Variants in BRINP1 observed in about 807,000 individuals in gnomAD.
The protein encoded by BRINP1 is BMP/retinoic acid-inducible neural-specific protein 1.
Under a neutral mutation model 72.9 loss-of-function variants are expected in BRINP1, and 17 were observed. The ratio of observed to expected loss-of-function variants is 0.23; its 90% CI spans 0.16 to 0.35. The LOEUF (loss-of-function observed/expected upper bound fraction) is 0.35. BRINP1 is among the 10% of genes least tolerant of loss of function. The probability of loss-of-function intolerance (pLI) is 1.00; values close to 1 mark genes in which losing one functional copy is unlikely to be tolerated. For synonymous variants in BRINP1, 418 were observed against 378.5 expected (o/e 1.10, Z -1.21); for missense variants, 850 against 1,001.6 (o/e 0.85, Z 2.04).
intron 2 of BRINP1, among the ~76,000 whole-genome samples, chr9:119,249,928 G>C (rs1305404551): frequency 8.0e-6 from 1 of 125,648 alleles, no homozygotes; most frequent in East Asian, 2.6e-4. Flanking sequence ...AAGGGAGAGA[G>C]GGAGAGAGAA....
At chr9:119,262,238 G>A (rs949448098) in intron 2 of BRINP1, among the ~76,000 whole-genome samples, 8 of 152,158 alleles carry the variant, frequency 5.3e-5, no homozygotes, top group Non-Finnish European at 1.2e-4. Flanking sequence ...TGCCCATTAT[G>A]AGACCCAAGT....
At chr9:119,324,840 CTG>C (rs1365847957) in intron 1 of BRINP1, among the ~76,000 whole-genome samples, 2 of 152,134 alleles carry the variant, frequency 1.3e-5, no homozygotes, top group Non-Finnish European at 2.9e-5. Context: ...TGGCTCATGT[CTG>C]TAATCCCAAC....
intron 1 of BRINP1, among the ~76,000 whole-genome samples, chr9:119,365,802 T>C (rs1049843043): frequency 1.3e-5 from 2 of 152,044 alleles, no homozygotes; most frequent in Non-Finnish European, 1.5e-5. Flanking sequence ...TGATTTGGCA[T>C]CTCTGAGCTG....
chr9:119,248,881 T>C (rs1044873815), intron 3 of BRINP1, 79 bp downstream of exon 3: 25 of 1,266,758 alleles, frequency 2.0e-5, no homozygotes, highest in Non-Finnish European at 2.4e-5. Flanking sequence ...AAGGCTTTGC[T>C]GTTAAGACAT....
chr9:119,313,478 G>T, intron 1 of BRINP1, 73 bp from the exon 2 acceptor site: 1 of 1,307,378 alleles, frequency 7.6e-7, no homozygotes, highest in Non-Finnish European at 1.0e-6. Context: ...GGGAAGAGGA[G>T]TAAAAGAAAA....
At chr9:119,315,211 C>T (rs1249255153) in intron 1 of BRINP1, among the ~76,000 whole-genome samples, 1 of 152,026 alleles carries the variant, frequency 6.6e-6, no homozygotes, top group Admixed American at 6.6e-5. Context: ...AAAGTTTTAA[C>T]AAATCGAAGG....
At chr9:119,354,707 A>C (rs1831541863) in intron 1 of BRINP1, among the ~76,000 whole-genome samples, 1 of 149,982 alleles carries the variant, frequency 6.7e-6, no homozygotes, top group South Asian at 2.1e-4. Flanking sequence ...AAAAAAAAAA[A>C]TAAAAATAAA....
At chr9:119,267,963 T>A (rs1005275055) in intron 2 of BRINP1, among the ~76,000 whole-genome samples, 3 of 152,020 alleles carry the variant, frequency 2.0e-5, no homozygotes, top group African/African-American at 7.2e-5. Flanking sequence ...TTCAGTTAGG[T>A]CAGGTGCAGT....
intron 3 of BRINP1, among the ~76,000 whole-genome samples, chr9:119,244,000 G>A (rs1347885466): frequency 6.6e-6 from 1 of 152,188 alleles, no homozygotes; most frequent in Non-Finnish European, 1.5e-5. Context: ...GCTGCTCTCT[G>A]TGTTTGCTCT....
chr9:119,245,930 CT>C (rs1830312131), intron 3 of BRINP1, among the ~76,000 whole-genome samples: 1 of 152,148 alleles, frequency 6.6e-6, no homozygotes, highest in African/African-American at 2.4e-5. Flanking sequence ...TCCCACTCAT[CT>C]AGTGAGTAGC....
At chr9:119,188,187 AG>A (rs1336342839) in intron 7 of BRINP1, among the ~76,000 whole-genome samples, 2 of 146,700 alleles carry the variant, frequency 1.4e-5, no homozygotes, top group Non-Finnish European at 3.0e-5. Context: ...GTCTTGGAAG[AG>A]ACATGAACAT....
At chr9:119,300,020 C>T (rs1830924283) in intron 2 of BRINP1, among the ~76,000 whole-genome samples, 2 of 152,180 alleles carry the variant, frequency 1.3e-5, no homozygotes, top group Non-Finnish European at 2.9e-5. Flanking sequence ...ACTTTTGACA[C>T]TCCACAGTAC....
chr9:119,283,067 G>A (rs924112225), intron 2 of BRINP1: 2 of 985,312 alleles, frequency 2.0e-6, no homozygotes, highest in Admixed American at 6.1e-5. Context: ...GAGTTACGGA[G>A]AGGTAGAAAG....
intron 5 of BRINP1, among the ~76,000 whole-genome samples, chr9:119,234,088 A>T (rs1830171098): frequency 6.6e-6 from 1 of 152,182 alleles, no homozygotes; most frequent in African/African-American, 2.4e-5. Context: ...GTTATTTGAA[A>T]TAGAGTTGCT....
intron 1 of BRINP1, among the ~76,000 whole-genome samples, chr9:119,316,717 T>TG (rs1475010858): frequency 9.2e-5 from 14 of 152,276 alleles, no homozygotes; most frequent in African/African-American, 3.4e-4. Context: ...TTCAATATTA[T>TG]TGCTCACTGA....
chr9:119,248,824 C>T (rs1036021984), intron 3 of BRINP1, 136 bp downstream of exon 3: 2 of 745,820 alleles, frequency 2.7e-6, no homozygotes, highest in Admixed American at 2.9e-5. Flanking sequence ...TTTGGCTTAC[C>T]TGGCTATAAA....
At chr9:119,265,205 T>TA (rs1161650594) in intron 2 of BRINP1, among the ~76,000 whole-genome samples, 1 of 152,228 alleles carries the variant, frequency 6.6e-6, no homozygotes, top group East Asian at 1.9e-4. Context: ...ATTGCCCACT[T>TA]ACTTCTCTCT....
Position 119,167,448 on chromosome 9 carries a change from G to C in BRINP1, c.1922C>G (p.Ser641Trp). The C allele has an allele frequency of 6.2e-7, 1 of 1,614,106 alleles. No individual in the cohort carries two copies. Among genetic ancestry groups the C allele is most frequent in the Admixed American group, 1.7e-5 (1 of 60,016 alleles). ...GTAGAACTGCCTCTTGGAGGGATCCGACAGGTCCACGGGGCCCTGGCCAGT... is the reference window on the plus strand; with the variant it reads ...GTAGAACTGCCTCTTGGAGGGATCCCACAGGTCCACGGGGCCCTGGCCAGT... Reference protein sequence around the residue: ...NETGQGPVDLSDPSKRQFYIK... With the variant: ...NETGQGPVDLWDPSKRQFYIK... Residue 641 changes from serine (S) to tryptophan (W), a missense_variant, in exon 8 of 8, where the codon TCG becomes TGG. By Grantham distance (177) the Ser-to-Trp change is radical. Transcript: ENST00000265922. This position sits in a 1 kb window ranked among gnomAD's most constrained non-coding sequence, Gnocchi z 4.3.
intron 1 of BRINP1, among the ~76,000 whole-genome samples, chr9:119,333,456 T>C (rs13294954): frequency 0.43 from 61,317 of 143,062 alleles, 13,289 homozygotes; most frequent in Non-Finnish European, 0.45. Flanking sequence ...GAGTGAGACC[T>C]TGTTTCAAAA....
Sources: allele counts gnomAD v4.1 joint callset (sites outside exome capture counted in the v4.1 genomes callset), GRCh38; gene constraint gnomAD v4.1.1; non-coding constraint Gnocchi (gnomAD v3.1); transcripts MANE v1.5; gene names NCBI Gene and HGNC (gene_info 2026-07-23, HGNC 2026-07-21).